SINHCAF: variants seen among roughly 807,000 people sequenced by gnomAD.
SINHCAF encodes the protein SIN3-HDAC complex associated factor.
In SINHCAF, 3 loss-of-function variants were observed where a neutral mutation model predicts 25.8. The observed-to-expected ratio is 0.12, with a 90% CI of 0.05 to 0.30. SINHCAF has a LOEUF of 0.30. SINHCAF is among the 10% of genes least tolerant of loss of function. The probability of loss-of-function intolerance (pLI) is 1.00; values close to 1 mark genes in which losing one functional copy is unlikely to be tolerated. For missense variants in SINHCAF, 121 were observed against 262.3 expected (o/e 0.46, Z 3.72); for synonymous variants, 70 against 85.5 (o/e 0.82, Z 1.00).
chr12:31,323,984 T>C (rs1231216812), intron 1 of SINHCAF: 2 of 455,758 alleles, frequency 4.4e-6, no homozygotes, highest in African/African-American at 2.0e-5. Flanking sequence ...CTCCGGTGAC[T>C]GCCGAGAGAG....
At chr12:31,282,912 G>T in intron 5 of SINHCAF, 41 bp from the exon 6 acceptor site, 1 of 1,444,074 alleles carries the variant, frequency 6.9e-7, no homozygotes, top group Non-Finnish European at 9.4e-7. Flanking sequence ...TAATAAGGAA[G>T]AAAAATAGGA....
intron 1 of SINHCAF, among the ~76,000 whole-genome samples, chr12:31,317,473 A>G (rs1044151021): frequency 6.6e-6 from 1 of 152,218 alleles, no homozygotes; most frequent in African/African-American, 2.4e-5. Flanking sequence ...GTAATACAGT[A>G]TAATCTCACA....
intron 1 of SINHCAF, chr12:31,312,031 A>T (rs1398937081): frequency 3.2e-6 from 2 of 623,584 alleles, no homozygotes; most frequent in Admixed American, 3.9e-5. Flanking sequence ...GTAACTTTTG[A>T]TCAGAAAGAG....
rs888678533 is a variant in SINHCAF at position 31,281,407 on chromosome 12, A to T, written c.*1305T>A. On this transcript the variant is annotated 3_prime_UTR_variant, in exon 6 of 6. Coordinates refer to ENST00000337682, the MANE Select transcript of SINHCAF (RefSeq NM_001135812.2). Reference sequence around the variant, plus strand: ...CTTTTAATACAGAGTGAAAGAAAATAAAAATTTAATAGGCTAAAACAAGTC... The same window carrying T: ...CTTTTAATACAGAGTGAAAGAAAATTAAAATTTAATAGGCTAAAACAAGTC... The T allele has an allele frequency of 6.6e-6, 1 of 152,270 alleles. No homozygotes were observed. Among genetic ancestry groups the T allele is most frequent in the African/African-American group, 2.4e-5 (1 of 41,466 alleles). The allele number at this position is 152,270 out of a possible 1,614,324, so 9.4% of individuals were successfully genotyped here. A position where few individuals can be genotyped will look rare whatever the true frequency, so the allele number is the denominator to read the frequency against.
At chr12:31,307,335 C>A (rs1046663053) in intron 1 of SINHCAF, among the ~76,000 whole-genome samples, 1 of 152,026 alleles carries the variant, frequency 6.6e-6, no homozygotes, top group African/African-American at 2.4e-5. Flanking sequence ...GTGGGCAGAC[C>A]GCTTGAGCCC....
intron 2 of SINHCAF, among the ~76,000 whole-genome samples, chr12:31,295,860 G>C (rs571578853): frequency 6.7e-6 from 1 of 149,958 alleles, no homozygotes; most frequent in Non-Finnish European, 1.5e-5. Context: ...CAACAAGAGC[G>C]AGACTCCATC....
rs80016114 is a variant in SINHCAF, at chr12:31,315,289, G to C, written c.-21+10735C>G. Among the ~76,000 whole-genome samples, 441 of 152,330 alleles carry C rather than the reference G, an allele frequency of 2.9e-3. 10 individuals are homozygous for C. In the East Asian group the frequency reaches 0.051, roughly 18 times the overall value. The stretch of plus-strand genomic sequence containing the variant: ...AGTTAATAATTGTGTAGGCACCTTA[G>C]GGTCTGGTGGAAGGATGATTGATTC... On this transcript the variant is annotated intron_variant, in intron 1 of 5. Coordinates refer to ENST00000337682, the MANE Select transcript of SINHCAF (RefSeq NM_001135812.2).
intron 1 of SINHCAF, among the ~76,000 whole-genome samples, chr12:31,317,160 G>A (rs1297579813): frequency 1.3e-5 from 2 of 152,146 alleles, no homozygotes; most frequent in African/African-American, 4.8e-5. Context: ...ATAGTCAAAC[G>A]TGGTAAATAA....
At chr12:31,307,053 T>G (rs1219056477) in intron 1 of SINHCAF, among the ~76,000 whole-genome samples, 1 of 152,066 alleles carries the variant, frequency 6.6e-6, no homozygotes, top group Non-Finnish European at 1.5e-5. Context: ...GGGTAAAAAG[T>G]TGGGTGTGTC....
chr12:31,295,371 T>C, intron 2 of SINHCAF, 38 bp from the exon 3 acceptor site: 2 of 1,345,888 alleles, frequency 1.5e-6, no homozygotes, highest in Non-Finnish European at 2.1e-6. Flanking sequence ...CAGTCTCCCT[T>C]ACCTTAAAGA....
chr12:31,295,170 G>A (rs775082402), intron 3 of SINHCAF, 64 bp downstream of exon 3: 101 of 982,090 alleles, frequency 1.0e-4, no homozygotes, highest in Middle Eastern at 3.1e-4. Flanking sequence ...CTAAATTAGG[G>A]GGAAATTAAT....
intron 2 of SINHCAF, among the ~76,000 whole-genome samples, chr12:31,297,607 G>A (rs1269852536): frequency 1.3e-5 from 2 of 151,256 alleles, no homozygotes; most frequent in Admixed American, 6.6e-5. Context: ...GGAGTAACTG[G>A]GACTACAAGT....
intron 5 of SINHCAF, among the ~76,000 whole-genome samples, chr12:31,285,073 A>T (rs1199611669): frequency 6.6e-6 from 1 of 152,056 alleles, no homozygotes; most frequent in Non-Finnish European, 1.5e-5. Flanking sequence ...TATACCTCTC[A>T]ATTTATTTAG....
chr12:31,310,652 G>C (rs1939228661), intron 1 of SINHCAF, among the ~76,000 whole-genome samples: 1 of 152,104 alleles, frequency 6.6e-6, no homozygotes, highest in Admixed American at 6.5e-5. Context: ...ATTAGTTCTG[G>C]CCATCACCTA....
At chr12:31,320,177 G>A (rs1335045290) in intron 1 of SINHCAF, among the ~76,000 whole-genome samples, 2 of 152,156 alleles carry the variant, frequency 1.3e-5, no homozygotes, top group Admixed American at 1.3e-4. Context: ...CTGGCTTCAT[G>A]ATAGTATCTA....
chr12:31,302,371 T>C (rs755403466), intron 1 of SINHCAF, among the ~76,000 whole-genome samples: 4 of 151,694 alleles, frequency 2.6e-5, no homozygotes, highest in Non-Finnish European at 4.4e-5. Context: ...ACGTGAAAGA[T>C]CTCAGTAAGC....
At position 31,285,846 on chromosome 12, in the gene SINHCAF, G is replaced by A. The variant is rs546258049; in HGVS notation, c.506+1788C>T. Among the ~76,000 whole-genome samples the A allele has an allele frequency of 3.9e-5, 6 of 152,052 alleles. No individual in the cohort carries two copies. In the East Asian group the frequency reaches 9.7e-4, roughly 25 times the overall value. On this transcript the variant is annotated intron_variant, in intron 5 of 5. Coordinates refer to ENST00000337682, the MANE Select transcript of SINHCAF (RefSeq NM_001135812.2). ...AAAAATTAGCCAGGCATGGTGGTGCGTGCCTGTAGACCCAGCTATTTGGGC... is the reference window on the plus strand; with the variant it reads ...AAAAATTAGCCAGGCATGGTGGTGCATGCCTGTAGACCCAGCTATTTGGGC...
chr12:31,304,361 G>A (rs1273094107), intron 1 of SINHCAF: 1 of 152,212 alleles, frequency 6.6e-6, no homozygotes, highest in Non-Finnish European at 1.5e-5. Flanking sequence ...AATGAGACGT[G>A]CTGGCACAAT....
At chr12:31,322,853 G>C (rs1321526573) in intron 1 of SINHCAF, among the ~76,000 whole-genome samples, 7 of 152,140 alleles carry the variant, frequency 4.6e-5, no homozygotes, top group Admixed American at 3.3e-4. Flanking sequence ...CGGATGTCTA[G>C]ACTACAGGCA....
Sources: gnomAD v4.1 joint callset for allele counts (sites outside exome capture counted in the v4.1 genomes callset) on GRCh38, gnomAD v4.1.1 for gene constraint, MANE v1.5 for transcripts, NCBI Gene and HGNC (gene_info 2026-07-23, HGNC 2026-07-21) for gene names.